MYRIP: variants seen among roughly 807,000 people sequenced by gnomAD.
The protein encoded by MYRIP is myosin VIIA and Rab interacting protein, also known as rab effector MyRIP.
A neutral mutation model predicts 98.0 loss-of-function variants in MYRIP; 49 were observed. The observed-to-expected ratio is 0.50, with a 90% CI of 0.40 to 0.63. The LOEUF (loss-of-function observed/expected upper bound fraction) is 0.63. Ranked by LOEUF, MYRIP falls within the 30% of genes least tolerant of loss-of-function variation. The probability of loss-of-function intolerance (pLI) is 0.00; values close to 1 mark genes in which losing one functional copy is unlikely to be tolerated. For missense variants in MYRIP, 1,004 were observed against 1,058.2 expected, an observed-to-expected ratio of 0.95 and a Z score of 0.71; for synonymous variants, 404 against 409.5, an observed-to-expected ratio of 0.99 and a Z score of 0.16.
At chr3:40,218,075 G>A (rs544838339) in intron 11 of MYRIP, among the ~76,000 whole-genome samples, 182 of 152,042 alleles carry the variant, frequency 1.2e-3, no homozygotes, top group Non-Finnish European at 2.2e-3. Context: ...TGCAATAGCC[G>A]CAAAAGTACA....
intron 1 of MYRIP, among the ~76,000 whole-genome samples, chr3:39,862,900 A>G (rs1234651735): frequency 6.6e-6 from 1 of 152,164 alleles, no homozygotes; most frequent in African/African-American, 2.4e-5. Context: ...GCATAAAACA[A>G]TCTTCAGTGC....
chr3:40,126,859 T>A (rs1949535607), intron 3 of MYRIP, among the ~76,000 whole-genome samples: 1 of 152,228 alleles, frequency 6.6e-6, no homozygotes, highest in African/African-American at 2.4e-5. Flanking sequence ...GGGCCTATCC[T>A]CAATGCTGAG....
Position 40,244,497 on chromosome 3 carries a change from CT to C in MYRIP, c.2153del (p.Leu718GlnfsTer48), listed in dbSNP as rs1311151473. 1.2e-6 allele frequency: 2 copies of C among 1,613,860 alleles called. No individual in the cohort carries two copies. The highest frequency in any genetic ancestry group is 1.7e-6 in the Non-Finnish European group (2 of 1,179,926). ...VYGLETQLTE[L>X]EDAARCIHSG... The stretch of plus-strand genomic sequence containing the variant: ...TGGACTGGAGACCCAGCTGACTGAG[CT>C]AGAAGATGCCGCCCGCTGCATCCAC... On this transcript the variant is annotated frameshift_variant, in exon 13 of 17. Coordinates refer to ENST00000302541, the MANE Select transcript of MYRIP (RefSeq NM_015460.4). LOFTEE classifies it high-confidence loss of function.
At chr3:39,846,988 C>T (rs73072892) in intron 1 of MYRIP, among the ~76,000 whole-genome samples, 28,833 of 152,144 alleles carry the variant, frequency 0.19, 2,835 homozygotes, top group South Asian at 0.29. Flanking sequence ...TCTATCCAGA[C>T]TTTGCACCAA....
chr3:40,009,237 CTTT>C (rs553315704), intron 2 of MYRIP, among the ~76,000 whole-genome samples: 4 of 139,208 alleles, frequency 2.9e-5, no homozygotes, highest in Admixed American at 7.1e-5. Flanking sequence ...ACTGCTACTT[CTTT>C]TTTTTTTTTT....
chr3:40,084,712 GTATC>G (rs1489195393), intron 3 of MYRIP, among the ~76,000 whole-genome samples: 1 of 142,584 alleles, frequency 7.0e-6, no homozygotes, highest in Non-Finnish European at 1.5e-5. Context: ...TAGATAATAT[GTATC>G]TATGTATTAC....
chr3:39,959,361 A>T (rs1230003719), intron 2 of MYRIP, among the ~76,000 whole-genome samples: 1 of 152,202 alleles, frequency 6.6e-6, no homozygotes, highest in Non-Finnish European at 1.5e-5. Context: ...GGATGAGTTC[A>T]TGTCCTTTGT....
intron 2 of MYRIP, among the ~76,000 whole-genome samples, chr3:39,944,985 T>C (rs956635529): frequency 5.3e-5 from 8 of 152,094 alleles, no homozygotes; most frequent in Non-Finnish European, 7.4e-5. Context: ...AGTATGTTGA[T>C]AAAATATTGA....
At chr3:39,942,599 C>G (rs1944814524) in intron 2 of MYRIP, among the ~76,000 whole-genome samples, 1 of 151,986 alleles carries the variant, frequency 6.6e-6, no homozygotes, top group Admixed American at 6.6e-5. Flanking sequence ...GTGTAATGAT[C>G]AAATCAGGGT....
intron 13 of MYRIP, among the ~76,000 whole-genome samples, chr3:40,245,879 T>A (rs1463598274): frequency 6.7e-6 from 1 of 149,030 alleles, no homozygotes; most frequent in African/African-American, 2.5e-5. Context: ...CCTGAGTAGC[T>A]GGGATTACAA....
intron 1 of MYRIP, among the ~76,000 whole-genome samples, chr3:39,853,028 C>T (rs1418179093): frequency 6.6e-6 from 1 of 152,202 alleles, no homozygotes; most frequent in Non-Finnish European, 1.5e-5. Flanking sequence ...GTGATCTGCC[C>T]ACCTTGGCCT....
At chr3:40,112,616 AG>A (rs1395178269) in intron 3 of MYRIP, among the ~76,000 whole-genome samples, 1 of 152,228 alleles carries the variant, frequency 6.6e-6, no homozygotes, top group African/African-American at 2.4e-5. Context: ...TCACTGTGGC[AG>A]TGTGGAAACT....
chr3:39,972,846 T>C (rs947313229), intron 2 of MYRIP, among the ~76,000 whole-genome samples: 6 of 151,872 alleles, frequency 4.0e-5, no homozygotes, highest in African/African-American at 1.4e-4. Context: ...GCTTCTTCTT[T>C]GGACCAAAAA....
chr3:39,902,756 C>T (rs1436792479), intron 2 of MYRIP, among the ~76,000 whole-genome samples: 1 of 152,134 alleles, frequency 6.6e-6, no homozygotes, highest in Non-Finnish European at 1.5e-5. Flanking sequence ...TGCCTTAGCT[C>T]CATTGCAGAG....
chr3:40,010,924 CAG>C (rs1946748925), intron 2 of MYRIP, among the ~76,000 whole-genome samples: 1 of 152,176 alleles, frequency 6.6e-6, no homozygotes, highest in Non-Finnish European at 1.5e-5. Flanking sequence ...TCTTCTGTCT[CAG>C]AGTTAGTTTT....
intron 2 of MYRIP, among the ~76,000 whole-genome samples, chr3:39,955,301 G>A (rs917576820): frequency 3.3e-5 from 5 of 152,158 alleles, no homozygotes; most frequent in African/African-American, 1.2e-4. Context: ...CCCACAAAGG[G>A]AAGCCCATCA....
intron 3 of MYRIP, among the ~76,000 whole-genome samples, chr3:40,077,988 G>A (rs893511650): frequency 6.6e-6 from 1 of 152,240 alleles, no homozygotes; most frequent in Non-Finnish European, 1.5e-5. Context: ...GGTGGCGCTC[G>A]TTGGGGAGGG....
chr3:39,931,898 A>T (rs1471553776), intron 2 of MYRIP, among the ~76,000 whole-genome samples: 1 of 152,082 alleles, frequency 6.6e-6, no homozygotes, highest in East Asian at 1.9e-4. Flanking sequence ...ATGTTGCTGT[A>T]TTTGATTTTC....
intron 1 of MYRIP, among the ~76,000 whole-genome samples, chr3:39,871,515 G>A (rs778459421): frequency 7.2e-5 from 11 of 152,276 alleles, no homozygotes; most frequent in South Asian, 4.1e-4. Flanking sequence ...TCTTCAACTT[G>A]TAGCCGTTTA....
Sources: allele counts gnomAD v4.1 joint callset (sites outside exome capture counted in the v4.1 genomes callset), GRCh38; gene constraint gnomAD v4.1.1; transcripts MANE v1.5; gene names NCBI Gene and HGNC (gene_info 2026-07-23, HGNC 2026-07-21).